The following MEFV variants were observed in gnomAD, a reference collection of about 807,000 sequenced individuals.
MEFV encodes the protein pyrin.
A neutral mutation model predicts 62.5 loss-of-function variants in MEFV; 60 were observed. That is an observed-to-expected ratio of 0.96 (90% CI 0.78 to 1.19). The LOEUF (loss-of-function observed/expected upper bound fraction) is 1.19, where lower values mean the gene tolerates loss of function less well. Ranked by LOEUF, MEFV falls within the 50% of genes most tolerant of loss-of-function variation. The pLI is 0.00. For synonymous variants in MEFV, 500 were observed against 415.2 expected, an observed-to-expected ratio of 1.20 and a Z score of -2.48; for missense variants, 1,169 against 1,004.5, an observed-to-expected ratio of 1.16 and a Z score of -2.21.
intron 1 of MEFV, among the ~76,000 whole-genome samples, chr16:3,255,172 C>T (rs1470948014): frequency 2.6e-5 from 4 of 152,102 alleles, no homozygotes; most frequent in African/African-American, 9.7e-5. Flanking sequence ...AGAAACTCAG[C>T]CAGACGCGGT....
At chr16:3,252,053 A>T (rs1168164318) in intron 2 of MEFV, 4 of 106,078 alleles carry the variant, frequency 3.8e-5, no homozygotes, top group Admixed American at 1.7e-4. Context: ...CCCATATCTA[A>T]AAAAAAAAAA....
At chr16:3,255,407 C>G (rs564607615) in intron 1 of MEFV, among the ~76,000 whole-genome samples, 19 of 152,096 alleles carry the variant, frequency 1.2e-4, no homozygotes, top group Non-Finnish European at 2.5e-4. Flanking sequence ...GTATTTCTCT[C>G]TCTCTTATTT....
rs1958986915 is a variant in MEFV, at chr16:3,248,913, A to C, written c.1352T>G (p.Phe451Cys). The C allele has an allele frequency of 6.2e-7, 1 of 1,614,116 alleles. No homozygotes were observed. The highest frequency in any genetic ancestry group is 8.5e-7 in the Non-Finnish European group (1 of 1,179,990). ...ATCAGCCACCTCTGACCTTACCAGAAAGCTCACTGCCTTCTCCTCCCCATA... is the reference window on the plus strand; with the variant it reads ...ATCAGCCACCTCTGACCTTACCAGACAGCTCACTGCCTTCTCCTCCCCATA... ...RSYGEEKAVS[F>C]LKQTEALKQR... The change falls in exon 4 of 10, where the codon TTT becomes TGT. Residue 451 changes from phenylalanine to cysteine, a missense_variant. Coordinates refer to ENST00000219596, the MANE Select transcript of MEFV (RefSeq NM_000243.3).
chr16:3,244,186 C>G, intron 8 of MEFV, 68 bp downstream of exon 8: 1 of 1,610,920 alleles, frequency 6.2e-7, no homozygotes, highest in Non-Finnish European at 8.5e-7. Flanking sequence ...TAGGGCCCCT[C>G]AAGTCAACAG....
At chr16:3,246,777 G>T (rs1958949153) in intron 5 of MEFV, among the ~76,000 whole-genome samples, 1 of 152,172 alleles carries the variant, frequency 6.6e-6, no homozygotes, top group African/African-American at 2.4e-5. Flanking sequence ...CTCAAGCCCT[G>T]CTGATCCCTT....
chr16:3,244,452 T>C (rs1158226180), intron 7 of MEFV, 21 bp downstream of exon 7: 2 of 1,606,298 alleles, frequency 1.2e-6, no homozygotes, highest in Non-Finnish European at 1.7e-6. Flanking sequence ...GCACCTCCAA[T>C]CTTCTCCCAA....
chr16:3,253,079 T>C (rs1959060824), intron 2 of MEFV, among the ~76,000 whole-genome samples: 1 of 152,042 alleles, frequency 6.6e-6, no homozygotes, highest in Non-Finnish European at 1.5e-5. Flanking sequence ...CAGTTTTTTT[T>C]TAGTCTCTTT....
rs764224220 is a variant in MEFV at position 3,254,684 on chromosome 16, C to T, written c.384G>A (p.Glu128=). The change falls in exon 2 of 10, where the codon GAG becomes GAA. Residue 128 remains glutamate (E), a synonymous_variant. Coordinates refer to ENST00000219596, the MANE Select transcript of MEFV (RefSeq NM_000243.3). The stretch of plus-strand genomic sequence containing the variant: ...CCCCGTACGGCCGAGGGCCGTTCCC[C>T]TCGTTCCCCTCGGGGTGGTCTGGAG... ...LKTPDHPEGN[E]GNGPRPYGGG... 1.3e-5 allele frequency: 21 copies of T among 1,612,356 alleles called. No individual in the cohort carries two copies. Among genetic ancestry groups the T allele is most frequent in the Non-Finnish European group, 1.6e-5 (19 of 1,179,810 alleles).
At chr16:3,244,382 G>A (rs1958908384) in intron 7 of MEFV, 91 bp downstream of exon 7, 2 of 1,597,316 alleles carry the variant, frequency 1.3e-6, no homozygotes, top group African/African-American at 1.3e-5. Context: ...GCAAGACCAG[G>A]GGAAGAGGAG....
rs1461897075 is a variant in MEFV at position 3,242,794 on chromosome 16, G to A, written c.*347C>T. 7 of 381,378 alleles carry A rather than the reference G, an allele frequency of 1.8e-5. No homozygotes were observed. In the Admixed American group the frequency reaches 2.7e-4, roughly 15 times the overall value. The allele number at this position is 381,378 out of a possible 1,614,324, so 23.6% of individuals were successfully genotyped here. On this transcript the variant is annotated 3_prime_UTR_variant, in exon 10 of 10. Coordinates refer to ENST00000219596, the MANE Select transcript of MEFV (RefSeq NM_000243.3). ...CTCAAGACAGAAGCAGAGAGAACAA[G>A]GGGACATATATCCTTGCCGTGGGGT...
At chr16:3,253,954 C>A (rs1345645829) in intron 2 of MEFV, among the ~76,000 whole-genome samples, 1 of 152,106 alleles carries the variant, frequency 6.6e-6, no homozygotes, top group East Asian at 1.9e-4. Context: ...CCCTGCCCAA[C>A]CTTTGGGTTT....
chr16:3,253,809 G>A (rs1028423109), intron 2 of MEFV, among the ~76,000 whole-genome samples: 3 of 152,128 alleles, frequency 2.0e-5, no homozygotes, highest in African/African-American at 7.2e-5. Flanking sequence ...TGGGACTACA[G>A]GCGCGTGCCA....
rs149941578 is a variant in MEFV at position 3,249,560 on chromosome 16, G to A, written c.1131C>T (p.Arg377=). The A allele has an allele frequency of 1.9e-6, 3 of 1,614,108 alleles. No individual in the cohort carries two copies. Among genetic ancestry groups the A allele is most frequent in the Non-Finnish European group, 2.5e-6 (3 of 1,180,044 alleles). ...LSPQPLPQCK[R]HLKQVQLLFC... ...AGAGCAGCTGGACCTGCTTCAGGTGGCGCTTACACTGTGGCAGGGGCTGGG... is the reference window on the plus strand; with the variant it reads ...AGAGCAGCTGGACCTGCTTCAGGTGACGCTTACACTGTGGCAGGGGCTGGG... Residue 377 remains arginine (R), a synonymous_variant, in exon 3 of 10, where the codon CGC becomes CGT. Coordinates refer to ENST00000219596, the MANE Select transcript of MEFV (RefSeq NM_000243.3).
intron 2 of MEFV, among the ~76,000 whole-genome samples, chr16:3,250,528 G>C (rs1959015908): frequency 1.3e-5 from 2 of 151,946 alleles, no homozygotes; most frequent in African/African-American, 4.8e-5. Context: ...AGGATTGCTT[G>C]AACCTAGGAG....
intron 3 of MEFV, 113 bp downstream of exon 3, chr16:3,249,318 G>T: frequency 1.0e-6 from 1 of 992,694 alleles, no homozygotes; most frequent in Non-Finnish European, 1.6e-6. Flanking sequence ...GCCATTTCCA[G>T]CCCAAGAATG....
In MEFV at chr16:3,243,174, A is replaced by G; in HGVS notation, c.2313T>C (p.Thr771=). The G allele has an allele frequency of 6.2e-7, 1 of 1,613,944 alleles. No homozygotes were observed. Among genetic ancestry groups the G allele is most frequent in the Non-Finnish European group, 8.5e-7 (1 of 1,180,010 alleles). The part of the protein sequence containing the change: ...RDGGKNTAPL[T]ICPVGGQGPD Reference sequence around the variant, plus strand: ...GCCCCTGACCACCCACTGGACAGATAGTCAGAGGAGCTGTGTTCTTCCCTC... The same window carrying G: ...GCCCCTGACCACCCACTGGACAGATGGTCAGAGGAGCTGTGTTCTTCCCTC... The change falls in exon 10 of 10, where the codon ACT becomes ACC. Residue 771 remains threonine, a synonymous_variant. Transcript: ENST00000219596.
At chr16:3,243,930 C>G in intron 8 of MEFV, 38 bp from the exon 9 acceptor site, 2 of 1,612,442 alleles carry the variant, frequency 1.2e-6, no homozygotes. Flanking sequence ...AAATCCTGAG[C>G]ATTAGCATTA....
chr16:3,254,504 GGGGCTTCTCCCGCCC>G lies in MEFV; in HGVS notation c.549_563del (p.Gly185_Gly189del). 1.3e-6 allele frequency: 2 copies of G among 1,569,526 alleles called. No individual in the cohort carries two copies. Among genetic ancestry groups the G allele is most frequent in the East Asian group, 4.6e-5 (2 of 43,410 alleles). Reference sequence around the variant, plus strand: ...CCCCCTCTAGCGCCCTGCAGGGGCCGGGGCTTCTCCCGCCCGGCAGGGCCGGGCTCCGGGTCCGAG... The same window carrying G: ...CCCCCTCTAGCGCCCTGCAGGGGCCGGGCAGGGCCGGGCTCCGGGTCCGAG... On this transcript the variant is annotated inframe_deletion, in exon 2 of 10. Coordinates refer to ENST00000219596, the MANE Select transcript of MEFV (RefSeq NM_000243.3).
chr16:3,251,873 A>T (rs1435214334), intron 2 of MEFV: 5 of 195,856 alleles, frequency 2.6e-5, no homozygotes, highest in African/African-American at 4.7e-5. Flanking sequence ...CTAAGCCTGC[A>T]TCAGATTAAC....
Sources: allele counts gnomAD v4.1 joint callset (sites outside exome capture counted in the v4.1 genomes callset), GRCh38; gene constraint gnomAD v4.1.1; transcripts MANE v1.5; gene names NCBI Gene and HGNC (gene_info 2026-07-23, HGNC 2026-07-21).